METTL15: variants seen among roughly 807,000 people sequenced by gnomAD.
The protein encoded by METTL15 is methyltransferase 15, mitochondrial 12S rRNA N4-cytidine, also known as 12S rRNA N(4)-cytidine methyltransferase METTL15.
METTL15 carries 34 observed loss-of-function variants against 38.3 expected under a neutral mutation model. The observed-to-expected ratio is 0.89, with a 90% confidence interval of 0.68 to 1.18. The LOEUF is 1.18. Among genes scored for constraint, METTL15 ranks in the 50% most tolerant of loss-of-function variants. The pLI is 0.00. For synonymous variants in METTL15, 162 were observed against 170.9 expected (o/e 0.95, Z 0.41); for missense variants, 438 against 498.4 (o/e 0.88, Z 1.15).
At chr11:28,485,851 C>T (rs976127244) in intron 6 of METTL15, among the ~76,000 whole-genome samples, 1 of 152,162 alleles carries the variant, frequency 6.6e-6, no homozygotes, top group African/African-American at 2.4e-5. Flanking sequence ...CTCTTTCTGG[C>T]TTGCACATGG....
chr11:28,269,118 A>T (rs952079600), intron 4 of METTL15, among the ~76,000 whole-genome samples: 1 of 152,128 alleles, frequency 6.6e-6, no homozygotes, highest in Non-Finnish European at 1.5e-5. Context: ...AACTTGCTGT[A>T]CCTGAAACCC....
intron 6 of METTL15, among the ~76,000 whole-genome samples, chr11:28,305,724 A>T (rs1857061102): frequency 1.3e-5 from 2 of 152,144 alleles, no homozygotes; most frequent in South Asian, 4.1e-4. Context: ...TGGAGTCATG[A>T]ACAAAAAGGT....
At chr11:28,445,721 G>A (rs553233202) in intron 6 of METTL15, among the ~76,000 whole-genome samples, 57 of 152,142 alleles carry the variant, frequency 3.7e-4, no homozygotes, top group African/African-American at 1.4e-3. Context: ...GCATGATCGC[G>A]ACTCACTGCA....
At chr11:28,127,733 A>G (rs1471780572) in intron 3 of METTL15, among the ~76,000 whole-genome samples, 3 of 152,152 alleles carry the variant, frequency 2.0e-5, no homozygotes, top group Admixed American at 6.6e-5. Flanking sequence ...ACATAGAACC[A>G]ATTAATACTG....
downstream of METTL15, among the ~76,000 whole-genome samples, chr11:28,335,790 A>T (rs1320505701): frequency 6.6e-6 from 1 of 152,140 alleles, no homozygotes; most frequent in Non-Finnish European, 1.5e-5. Flanking sequence ...CCATAAGAGG[A>T]TCCACCCTGA....
At chr11:28,300,969 C>T (rs2134008697) in intron 6 of METTL15, among the ~76,000 whole-genome samples, 2 of 152,200 alleles carry the variant, frequency 1.3e-5, no homozygotes, top group South Asian at 4.1e-4. Flanking sequence ...CTCCTACTCC[C>T]CATTGTATTC....
At chr11:28,503,629 A>G (rs1056611545) in intron 6 of METTL15, among the ~76,000 whole-genome samples, 2 of 151,710 alleles carry the variant, frequency 1.3e-5, no homozygotes, top group Admixed American at 1.3e-4. Context: ...CGTCTCTACT[A>G]AAAATATAAA....
At chr11:28,300,755 T>A (rs1242532043) in intron 6 of METTL15, among the ~76,000 whole-genome samples, 1 of 152,188 alleles carries the variant, frequency 6.6e-6, no homozygotes, top group Non-Finnish European at 1.5e-5. Flanking sequence ...TGCAGTGTTA[T>A]ATACAGTGTT....
chr11:28,127,877 A>G (rs1423602260), intron 3 of METTL15, among the ~76,000 whole-genome samples: 2 of 152,118 alleles, frequency 1.3e-5, no homozygotes, highest in Non-Finnish European at 2.9e-5. Flanking sequence ...TAACCATGAC[A>G]TTATTCATCT....
At chr11:28,520,637 A>G (rs904562750) in intron 6 of METTL15, among the ~76,000 whole-genome samples, 2 of 152,194 alleles carry the variant, frequency 1.3e-5, no homozygotes, top group Admixed American at 6.5e-5. Context: ...ATTATCTGGT[A>G]ATTAATGGCT....
At chr11:28,255,020 G>A (rs147527199) in intron 4 of METTL15, among the ~76,000 whole-genome samples, 29 of 151,964 alleles carry the variant, frequency 1.9e-4, no homozygotes, top group East Asian at 7.7e-4. Context: ...TTGATATTTC[G>A]GCAAGGATTG....
In METTL15 at chr11:28,330,593, G is replaced by A; in HGVS notation, c.976G>A (p.Asp326Asn). The A allele has an allele frequency of 2.6e-6, 4 of 1,551,450 alleles. No homozygotes were observed. Among genetic ancestry groups the A allele is most frequent in the Non-Finnish European group, 3.5e-6 (4 of 1,146,840 alleles). Residue 326 changes from aspartate (D) to asparagine (N), a missense_variant, in exon 7 of 7, where the codon GAT becomes AAT. Coordinates refer to ENST00000407364, the MANE Select transcript of METTL15 (RefSeq NM_001113528.2). ...LVALSFHSLE[D>N]RIVKRFLLGI... The stretch of plus-strand genomic sequence containing the variant: ...TGCCCTCTCCTTCCATTCACTAGAG[G>A]ATCGCATCGTCAAAAGATTTTTGCT...
chr11:28,487,220 A>C (rs559406716), intron 6 of METTL15, among the ~76,000 whole-genome samples: 1 of 152,158 alleles, frequency 6.6e-6, no homozygotes, highest in African/African-American at 2.4e-5. Context: ...ATTCTAAGAG[A>C]ATCATGCATC....
rs574793736 is a variant in METTL15, at chr11:28,207,157, T to G, written c.271-3905T>G. Among the ~76,000 whole-genome samples, 7 of 150,114 alleles carry G rather than the reference T, an allele frequency of 4.7e-5. No individual in the cohort carries two copies. The East Asian group carries it at 1.2e-3, about 26-fold the overall frequency. ...CTTCCCACACTATATTGAGTAGGAG[T>G]GGTGAGAGAGGGCATCCGTGTCTTG... On this transcript the variant is annotated intron_variant, in intron 3 of 6. Coordinates refer to ENST00000407364, the MANE Select transcript of METTL15 (RefSeq NM_001113528.2).
At chr11:28,137,794 T>C (rs879356065) in intron 3 of METTL15, among the ~76,000 whole-genome samples, 2 of 152,184 alleles carry the variant, frequency 1.3e-5, no homozygotes, top group African/African-American at 4.8e-5. Flanking sequence ...TTTTATTTTT[T>C]TTTTTTCAAA....
At chr11:28,187,095 TAGAA>T (rs1851523163) in intron 3 of METTL15, among the ~76,000 whole-genome samples, 1 of 151,186 alleles carries the variant, frequency 6.6e-6, no homozygotes, top group Admixed American at 6.6e-5. Context: ...AAGTAAATAA[TAGAA>T]AGCTTCAAAT....
intron 2 of METTL15, among the ~76,000 whole-genome samples, chr11:28,112,218 A>G (rs1276442596): frequency 6.6e-6 from 1 of 152,174 alleles, no homozygotes; most frequent in Non-Finnish European, 1.5e-5. Flanking sequence ...TGGTGGGGTC[A>G]GTCATGCAGG....
At chr11:28,178,097 A>ATT (rs1376836057) in intron 3 of METTL15, among the ~76,000 whole-genome samples, 1 of 151,842 alleles carries the variant, frequency 6.6e-6, no homozygotes, top group Non-Finnish European at 1.5e-5. Flanking sequence ...TGGCTGCCCA[A>ATT]TTTGCATGAG....
At chr11:28,116,871 G>A (rs900080139) in intron 3 of METTL15, among the ~76,000 whole-genome samples, 1 of 152,068 alleles carries the variant, frequency 6.6e-6, no homozygotes, top group African/African-American at 2.4e-5. Context: ...CTGGGCTCAG[G>A]TGATCCTTCC....
Sources: allele counts gnomAD v4.1 joint callset (sites outside exome capture counted in the v4.1 genomes callset), GRCh38; gene constraint gnomAD v4.1.1; transcripts MANE v1.5; gene names NCBI Gene and HGNC (gene_info 2026-07-23, HGNC 2026-07-21).